RCOR1: variants seen among roughly 807,000 people sequenced by gnomAD.
RCOR1 encodes the protein REST corepressor 1.
RCOR1 carries 12 observed loss-of-function variants against 64.0 expected under a neutral mutation model. The ratio of observed to expected loss-of-function variants is 0.19; its 90% CI spans 0.12 to 0.30. The LOEUF is 0.30. Among genes scored for constraint, RCOR1 ranks in the 10% least tolerant of loss-of-function variants. RCOR1 has a pLI of 1.00. For synonymous variants in RCOR1, 279 were observed against 227.2 expected (o/e 1.23, Z -2.05); for missense variants, 502 against 621.2 (o/e 0.81, Z 2.04).
chr14:102,671,834 C>T (rs1486506713), intron 2 of RCOR1, among the ~76,000 whole-genome samples: 5 of 152,196 alleles, frequency 3.3e-5, no homozygotes, highest in Admixed American at 1.3e-4. Flanking sequence ...TACCTGTTAG[C>T]AGTGGCACCC....
At chr14:102,700,539 A>T (rs1304540575) in intron 3 of RCOR1, among the ~76,000 whole-genome samples, 1 of 152,142 alleles carries the variant, frequency 6.6e-6, no homozygotes, top group Non-Finnish European at 1.5e-5. Context: ...AATTATTTTT[A>T]AAAATTATTT....
At chr14:102,647,443 A>T (rs933396360) in intron 2 of RCOR1, among the ~76,000 whole-genome samples, 5 of 151,996 alleles carry the variant, frequency 3.3e-5, no homozygotes, top group Non-Finnish European at 7.4e-5. Context: ...CAGCCTCCCA[A>T]GTAGCTGGGG....
At chr14:102,703,979 C>T (rs1407564001) in intron 4 of RCOR1, among the ~76,000 whole-genome samples, 3 of 152,214 alleles carry the variant, frequency 2.0e-5, no homozygotes, top group Non-Finnish European at 4.4e-5. Context: ...CTCATGGCTC[C>T]CATTTTCATT....
chr14:102,595,760 T>C (rs927872206), intron 2 of RCOR1, among the ~76,000 whole-genome samples: 3 of 152,052 alleles, frequency 2.0e-5, no homozygotes, highest in Admixed American at 2.0e-4. Flanking sequence ...TTTGTATTTT[T>C]AGTGGAGACG....
chr14:102,675,856 C>T (rs937169572), intron 2 of RCOR1, among the ~76,000 whole-genome samples: 8 of 152,068 alleles, frequency 5.3e-5, no homozygotes, highest in Admixed American at 6.6e-5. Flanking sequence ...TTCAGAGTGT[C>T]GTATGAATGA....
At chr14:102,631,405 G>A (rs887122049) in intron 2 of RCOR1, among the ~76,000 whole-genome samples, 16 of 151,348 alleles carry the variant, frequency 1.1e-4, no homozygotes, top group African/African-American at 3.6e-4. Context: ...GGGTTTCACC[G>A]TGTTAGCCAG....
intron 3 of RCOR1, among the ~76,000 whole-genome samples, chr14:102,697,228 T>TA (rs1895668900): frequency 6.6e-6 from 1 of 151,946 alleles, no homozygotes; most frequent in Non-Finnish European, 1.5e-5. Context: ...AGTTAGGTGA[T>TA]AACCTGGCTT....
At chr14:102,699,668 T>C (rs1308883107) in intron 3 of RCOR1, among the ~76,000 whole-genome samples, 4 of 152,158 alleles carry the variant, frequency 2.6e-5, no homozygotes, top group Non-Finnish European at 4.4e-5. Flanking sequence ...TTGGCCATTG[T>C]ACCTAGAGAG....
intron 2 of RCOR1, among the ~76,000 whole-genome samples, chr14:102,680,671 G>A (rs1895284469): frequency 6.6e-6 from 1 of 152,028 alleles, no homozygotes. Flanking sequence ...TGGGTGTGGT[G>A]GTGCACACCT....
At chr14:102,631,742 C>T (rs1328839949) in intron 2 of RCOR1, among the ~76,000 whole-genome samples, 1 of 152,154 alleles carries the variant, frequency 6.6e-6, no homozygotes, top group African/African-American at 2.4e-5. Flanking sequence ...TTGAATATAG[C>T]TTCTAAGCAG....
chr14:102,721,551 T>TAA (rs200770605), intron 10 of RCOR1, 174 bp downstream of exon 10: 17 of 336,294 alleles, frequency 5.1e-5, no homozygotes, highest in African/African-American at 6.6e-5. Context: ...ACCCTGACTT[T>TAA]AAAAAAAAAA....
intron 2 of RCOR1, chr14:102,659,341 C>T (rs896282532): frequency 9.1e-6 from 8 of 876,088 alleles, no homozygotes; most frequent in African/African-American, 1.8e-5. Flanking sequence ...CATTAAGGCT[C>T]ATAAAGTCTT....
intron 11 of RCOR1, among the ~76,000 whole-genome samples, chr14:102,724,436 T>C (rs1896223864): frequency 6.6e-6 from 1 of 152,110 alleles, no homozygotes; most frequent in Non-Finnish European, 1.5e-5. Flanking sequence ...GTGCTTCTCC[T>C]GCCTCAGCCC....
Position 102,722,332 on chromosome 14 carries a change from TAAAGA to T in RCOR1, c.1337_1341del (p.Lys446ArgfsTer7). ...TACAAGAATGGGAGGCAGAACATGG[TAAAGA>T]AGAGACCAATGGGCCCAGTAACCAG... On this transcript the variant is annotated frameshift_variant, in exon 11 of 12. Coordinates refer to ENST00000262241, the MANE Select transcript of RCOR1 (RefSeq NM_015156.4). LOFTEE classifies it high-confidence loss of function. 6.2e-7 allele frequency: 1 copy of T among 1,614,086 alleles called. No individual in the cohort carries two copies. The highest frequency in any genetic ancestry group is 8.5e-7 in the Non-Finnish European group (1 of 1,180,006).
chr14:102,706,136 A>AAAAAAAAAC (rs1567442106), intron 4 of RCOR1, among the ~76,000 whole-genome samples: 3 of 148,980 alleles, frequency 2.0e-5, no homozygotes, highest in African/African-American at 7.5e-5. Flanking sequence ...AAAAAAAAAA[A>AAAAAAAAAC]AAAAAACCTA....
intron 2 of RCOR1, chr14:102,662,110 C>T: frequency 2.9e-6 from 1 of 350,036 alleles, no homozygotes; most frequent in Non-Finnish European, 5.5e-6. Flanking sequence ...AGTTTGTTGT[C>T]ATTTGCATGT....
At chr14:102,643,064 C>G (rs557192435) in intron 2 of RCOR1, among the ~76,000 whole-genome samples, 2 of 152,260 alleles carry the variant, frequency 1.3e-5, no homozygotes, top group East Asian at 3.9e-4. Context: ...GGGCAGATCA[C>G]GAGGTCAGGA....
chr14:102,655,933 A>C (rs1319089266), intron 2 of RCOR1: 1 of 956,052 alleles, frequency 1.0e-6, no homozygotes, highest in Non-Finnish European at 1.2e-6. Flanking sequence ...AGCCTGGGCA[A>C]CAGAGTGAGA....
At chr14:102,722,528 A>G in intron 11 of RCOR1, 112 bp downstream of exon 11, 1 of 792,454 alleles carries the variant, frequency 1.3e-6, no homozygotes, top group Non-Finnish European at 2.0e-6. Flanking sequence ...CAGCTGTATT[A>G]GTAACTTCAC....
Sources: allele counts gnomAD v4.1 joint callset (sites outside exome capture counted in the v4.1 genomes callset), GRCh38; gene constraint gnomAD v4.1.1; transcripts MANE v1.5; gene names NCBI Gene and HGNC (gene_info 2026-07-23, HGNC 2026-07-21).